Variants in TUT7 observed in about 807,000 individuals in gnomAD.
TUT7 encodes the protein terminal uridylyltransferase 7.
In TUT7, 33 loss-of-function variants were observed where a neutral mutation model predicts 165.9. The observed-to-expected ratio is 0.20, with a 90% CI of 0.15 to 0.27. The LOEUF (loss-of-function observed/expected upper bound fraction) is 0.27, where lower values mean the gene tolerates loss of function less well. Ranked by LOEUF, TUT7 falls within the 10% of genes least tolerant of loss-of-function variation. The pLI is 1.00. For missense variants in TUT7, 1,338 were observed against 1,762.3 expected (o/e 0.76, Z 4.31); for synonymous variants, 552 against 608.1 (o/e 0.91, Z 1.36).
chr9:86,306,027 C>CTT (rs1198958201), intron 22 of TUT7, among the ~76,000 whole-genome samples: 3 of 152,168 alleles, frequency 2.0e-5, no homozygotes, highest in African/African-American at 7.2e-5. Flanking sequence ...GTTAAAAGCA[C>CTT]TATTTCTAAA....
At chr9:86,310,134 G>C (rs1053737885) in intron 18 of TUT7, 117 bp from the exon 19 acceptor site, 1 of 807,284 alleles carries the variant, frequency 1.2e-6, no homozygotes, top group Non-Finnish European at 1.9e-6. Flanking sequence ...GCCCAGGCTG[G>C]TCATGAACTC....
intron 17 of TUT7, among the ~76,000 whole-genome samples, chr9:86,313,984 C>T (rs980513523): frequency 1.3e-5 from 2 of 152,178 alleles, no homozygotes; most frequent in African/African-American, 4.8e-5. Context: ...AGGAAGCTCA[C>T]TTTACTGAAT....
intron 22 of TUT7, among the ~76,000 whole-genome samples, chr9:86,307,186 A>C (rs548563200): frequency 2.6e-5 from 4 of 152,260 alleles, no homozygotes; most frequent in Admixed American, 2.6e-4. Flanking sequence ...AGGTACAAGA[A>C]TCACTTGAAC....
At chr9:86,337,584 T>C in intron 9 of TUT7, 46 bp from the exon 10 acceptor site, 1 of 1,573,196 alleles carries the variant, frequency 6.4e-7, no homozygotes, top group Middle Eastern at 1.7e-4. Flanking sequence ...TTGTATGAAT[T>C]TGTCATTTAC....
At chr9:86,304,975 G>C (rs758747852) in intron 23 of TUT7, 28 bp from the exon 24 acceptor site, 2 of 1,508,142 alleles carry the variant, frequency 1.3e-6, no homozygotes, top group East Asian at 2.3e-5. Flanking sequence ...AACTCACTTA[G>C]GCGGGTTAAA....
At chr9:86,346,526 C>G (rs751371708) in intron 2 of TUT7, 46 bp from the exon 3 acceptor site, 2 of 1,557,680 alleles carry the variant, frequency 1.3e-6, no homozygotes, top group South Asian at 1.1e-5. Context: ...AATAATGCCA[C>G]TCCTGAGTAA....
intron 26 of TUT7, among the ~76,000 whole-genome samples, chr9:86,300,652 A>G (rs1473269444): frequency 1.3e-5 from 2 of 152,164 alleles, no homozygotes; most frequent in African/African-American, 4.8e-5. Context: ...GTATTTAACA[A>G]CTCAAAGGGG....
intron 26 of TUT7, among the ~76,000 whole-genome samples, chr9:86,289,019 C>A (rs1036149161): frequency 2.0e-5 from 3 of 152,122 alleles, no homozygotes; most frequent in Admixed American, 2.0e-4. Flanking sequence ...CATGTTGGTA[C>A]AGAGCACCAG....
At chr9:86,337,593 A>G (rs1830920700) in intron 9 of TUT7, 55 bp from the exon 10 acceptor site, 20 of 1,565,162 alleles carry the variant, frequency 1.3e-5, no homozygotes, top group Non-Finnish European at 1.6e-5. Flanking sequence ...TTTGTCATTT[A>G]CACGATTTGG....
intron 16 of TUT7, among the ~76,000 whole-genome samples, chr9:86,318,182 CA>C (rs1272770172): frequency 2.0e-5 from 3 of 152,228 alleles, no homozygotes; most frequent in African/African-American, 7.2e-5. Flanking sequence ...AGGGACTCAG[CA>C]CTTCCTAGAC....
At position 86,309,961 on chromosome 9, in the gene TUT7, C is replaced by T. The variant is rs764240940; in HGVS notation, c.3435G>A (p.Lys1145=). The T allele has an allele frequency of 1.9e-6, 3 of 1,613,848 alleles. No individual in the cohort carries two copies. Among genetic ancestry groups the T allele is most frequent in the East Asian group, 2.2e-5 (1 of 44,850 alleles). The change falls in exon 19 of 27, where the codon AAG becomes AAA. Residue 1145 remains lysine (K), a synonymous_variant. Transcript: ENST00000375963. ...ATACTTTCATGGTATAGCACAAATA[C>T]TTCACTCTGGGATCAATGGCGGAAT... ...SAYSAIDPRV[K]YLCYTMKVFT...
At chr9:86,318,427 G>A (rs1357913410) in intron 16 of TUT7, among the ~76,000 whole-genome samples, 1 of 152,210 alleles carries the variant, frequency 6.6e-6, no homozygotes, top group Non-Finnish European at 1.5e-5. Flanking sequence ...GCCATCGTTT[G>A]CTAACTCCTG....
chr9:86,306,544 C>T (rs945253792), intron 22 of TUT7, among the ~76,000 whole-genome samples: 3 of 152,196 alleles, frequency 2.0e-5, no homozygotes, highest in Admixed American at 1.3e-4. Context: ...CTGTGGCTCA[C>T]GCCTGTAATC....
intron 26 of TUT7, among the ~76,000 whole-genome samples, chr9:86,297,426 G>GT (rs1564023796): frequency 6.6e-6 from 1 of 152,142 alleles, no homozygotes. Flanking sequence ...TTACACCCAC[G>GT]TAATTGTAAA....
intron 22 of TUT7, among the ~76,000 whole-genome samples, chr9:86,307,980 G>A (rs1211808250): frequency 6.6e-6 from 1 of 152,120 alleles, no homozygotes; most frequent in Non-Finnish European, 1.5e-5. Context: ...GGCAACAAGA[G>A]CGAAACTCCA....
chr9:86,315,889 GTTAT>G (rs1828678598), intron 17 of TUT7, among the ~76,000 whole-genome samples: 1 of 151,418 alleles, frequency 6.6e-6, no homozygotes, highest in East Asian at 1.9e-4. Flanking sequence ...TTTTCCTCCT[GTTAT>G]TTAAACAACA....
At chr9:86,330,645 A>G (rs1830233800) in intron 10 of TUT7, among the ~76,000 whole-genome samples, 1 of 152,198 alleles carries the variant, frequency 6.6e-6, no homozygotes, top group African/African-American at 2.4e-5. Flanking sequence ...TAGTATGTTA[A>G]GAAATCCTTT....
At chr9:86,314,362 T>C (rs1197088598) in intron 17 of TUT7, among the ~76,000 whole-genome samples, 1 of 150,500 alleles carries the variant, frequency 6.6e-6, no homozygotes, top group Non-Finnish European at 1.5e-5. Flanking sequence ...TCTCTCAATC[T>C]CTCTCTTTTT....
intron 26 of TUT7, among the ~76,000 whole-genome samples, chr9:86,291,229 C>A (rs574055261): frequency 6.6e-6 from 1 of 152,026 alleles, no homozygotes; most frequent in African/African-American, 2.4e-5. Flanking sequence ...GGAAATAATT[C>A]AATGGGAAAA....
Sources: gnomAD v4.1 joint callset for allele counts (sites outside exome capture counted in the v4.1 genomes callset) on GRCh38, gnomAD v4.1.1 for gene constraint, MANE v1.5 for transcripts, NCBI Gene and HGNC (gene_info 2026-07-23, HGNC 2026-07-21) for gene names.